CHD9: variants seen among roughly 807,000 people sequenced by gnomAD.
The protein encoded by CHD9 is ATP-dependent chromatin remodeler CHD9.
A neutral mutation model predicts 316.1 loss-of-function variants in CHD9; 77 were observed. The observed-to-expected ratio is 0.24, with a 90% CI of 0.20 to 0.29. CHD9 has a LOEUF of 0.29. Ranked by LOEUF, CHD9 falls within the 10% of genes least tolerant of loss-of-function variation. The pLI, the probability that CHD9 is intolerant of heterozygous loss-of-function variation, is 1.00. For missense variants in CHD9, 2,763 were observed against 3,438.1 expected (o/e 0.80, Z 4.91); for synonymous variants, 1,129 against 1,158.3 (o/e 0.97, Z 0.51).
chr16:53,062,124 T>C (rs1467565126), intron 1 of CHD9, among the ~76,000 whole-genome samples: 1 of 152,226 alleles, frequency 6.6e-6, no homozygotes, highest in Admixed American at 6.5e-5. Context: ...CTCTTGCTTC[T>C]GACTGCAGCC....
At chr16:53,314,561 C>A in intron 35 of CHD9, 45 bp downstream of exon 35, 1 of 1,436,728 alleles carries the variant, frequency 7.0e-7, no homozygotes, top group Non-Finnish European at 9.4e-7. Context: ...ATTCAAAATT[C>A]AATCCTAATA....
chr16:53,183,936 C>G lies in CHD9; in HGVS notation c.1453-25546C>G, dbSNP rs940495448. 2.0e-5 allele frequency among the ~76,000 whole-genome samples: 3 copies of G among 151,826 alleles called. No individual in the cohort carries two copies. In the South Asian group the frequency reaches 6.2e-4, roughly 32 times the overall value. ...AAGATTGTTTTTCACAGGTACCTGG[C>G]TAATTTTTTTTTTTTTCTTTTTTTT... On this transcript the variant is annotated intron_variant, in intron 2 of 38. Transcript: ENST00000447540.
intron 1 of CHD9, among the ~76,000 whole-genome samples, chr16:53,142,079 T>C (rs539705552): frequency 6.6e-6 from 1 of 152,314 alleles, no homozygotes; most frequent in East Asian, 1.9e-4. Flanking sequence ...TATCATAAAA[T>C]ATGATATTGT....
intron 1 of CHD9, among the ~76,000 whole-genome samples, chr16:53,144,519 C>A (rs1335537680): frequency 6.6e-6 from 1 of 151,808 alleles, no homozygotes; most frequent in African/African-American, 2.4e-5. Context: ...CATAGTGAGA[C>A]CCTGTCTACA....
At chr16:53,195,279 G>A (rs2044804334) in intron 2 of CHD9, among the ~76,000 whole-genome samples, 1 of 152,120 alleles carries the variant, frequency 6.6e-6, no homozygotes, top group Admixed American at 6.5e-5. Context: ...AACCTCATAG[G>A]TTAGTTTTGC....
chr16:53,191,314 A>G (rs2152827853), intron 2 of CHD9, among the ~76,000 whole-genome samples: 1 of 152,182 alleles, frequency 6.6e-6, no homozygotes, highest in Admixed American at 6.5e-5. Context: ...TATAATTTAC[A>G]CACAGTCAAA....
intron 2 of CHD9, among the ~76,000 whole-genome samples, chr16:53,194,928 A>G (rs1269543121): frequency 6.6e-6 from 1 of 152,216 alleles, no homozygotes; most frequent in Non-Finnish European, 1.5e-5. Flanking sequence ...ATTTGTTTTT[A>G]GTGTCAAGAC....
chr16:53,183,836 G>T (rs566532151), intron 2 of CHD9, among the ~76,000 whole-genome samples: 4 of 152,222 alleles, frequency 2.6e-5, no homozygotes, highest in Non-Finnish European at 5.9e-5. Context: ...ATGTAACCTT[G>T]GGCATGTTTG....
chr16:53,222,729 C>T lies in CHD9; in HGVS notation c.1870C>T (p.His624Tyr), dbSNP rs1161449700. 6.4e-7 allele frequency: 1 copy of T among 1,559,540 alleles called. No homozygotes were observed. Among genetic ancestry groups the T allele is most frequent in the South Asian group, 1.2e-5 (1 of 84,398 alleles). ...ATCTGATGCAGAACAGATGCCACAGCATACATTAAAAGATCAAGACTCTCA... is the reference window on the plus strand; with the variant it reads ...ATCTGATGCAGAACAGATGCCACAGTATACATTAAAAGATCAAGACTCTCA... The part of the protein sequence containing the change: ...EISDAEQMPQ[H>Y]TLKDQDSQKR... The change falls in exon 4 of 39, where the codon CAT becomes TAT. Residue 624 changes from histidine (H) to tyrosine (Y), a missense_variant. Physicochemically the swap from His to Tyr is moderately conservative, Grantham distance 83. Around this residue, in one of 15 missense-constraint regions of CHD9, gnomAD observed 859 missense variants for 890.4 expected, o/e 0.96. Coordinates refer to ENST00000447540, the MANE Select transcript of CHD9 (RefSeq NM_001308319.2).
intron 1 of CHD9, among the ~76,000 whole-genome samples, chr16:53,081,017 G>A (rs2034971507): frequency 6.6e-6 from 1 of 152,180 alleles, no homozygotes; most frequent in African/African-American, 2.4e-5. Flanking sequence ...AAGTGGGTCT[G>A]GTGTCTTATT....
chr16:53,189,466 T>G (rs775912288), intron 2 of CHD9, among the ~76,000 whole-genome samples: 1 of 152,012 alleles, frequency 6.6e-6, no homozygotes, highest in Non-Finnish European at 1.5e-5. Context: ...TCTGTTGATA[T>G]GATTTTCAGA....
intron 1 of CHD9, among the ~76,000 whole-genome samples, chr16:53,151,884 C>G (rs904393271): frequency 1.3e-5 from 2 of 152,050 alleles, no homozygotes; most frequent in Admixed American, 6.5e-5. Context: ...ACCATCAAAT[C>G]TAATGGACTT....
chr16:53,247,439 G>C lies in CHD9; in HGVS notation c.3601G>C (p.Val1201Leu). 6.2e-7 allele frequency: 1 copy of C among 1,608,784 alleles called. No individual in the cohort carries two copies. The highest frequency in any genetic ancestry group is 2.2e-5 in the East Asian group (1 of 44,792). The change falls in exon 16 of 39, where the codon GTG becomes CTG. Residue 1201 changes from valine (V) to leucine (L), a missense_variant. Around this residue, in one of 15 missense-constraint regions of CHD9, gnomAD observed 155 missense variants for 291.8 expected, o/e 0.53. Coordinates refer to ENST00000447540, the MANE Select transcript of CHD9 (RefSeq NM_001308319.2). ...LPKMKAGGHK[V>L]LIFSQMVRCL... ...CAAAATGAAAGCCGGAGGTCATAAA[G>C]TGCTCATCTTCTCTCAAATGGTTCG...
In CHD9 at chr16:53,156,749, T is replaced by C; in HGVS notation, c.660T>C (p.Ser220=). The C allele has an allele frequency of 6.2e-7, 1 of 1,613,756 alleles. No homozygotes were observed. The highest frequency in any genetic ancestry group is 8.5e-7 in the Non-Finnish European group (1 of 1,179,714). The change falls in exon 2 of 39, where the codon TCT becomes TCC. Residue 220 remains serine, a synonymous_variant. Coordinates refer to ENST00000447540, the MANE Select transcript of CHD9 (RefSeq NM_001308319.2). ...ACCCACCACAGATGACTAATGCATCTAATTCACAACAGTCTATTTCAATGC... is the reference window on the plus strand; with the variant it reads ...ACCCACCACAGATGACTAATGCATCCAATTCACAACAGTCTATTTCAATGC... ...VNHPPQMTNA[S]NSQQSISMQQ... is the part of the protein sequence containing the mutation.
intron 19 of CHD9, among the ~76,000 whole-genome samples, chr16:53,256,213 C>G (rs2050574852): frequency 6.6e-6 from 1 of 151,862 alleles, no homozygotes; most frequent in South Asian, 2.1e-4. Context: ...TCTGTAATCC[C>G]AGCACTTTGG....
At chr16:53,152,880 A>G (rs73599571) in intron 1 of CHD9, among the ~76,000 whole-genome samples, 4,940 of 152,300 alleles carry the variant, frequency 0.032, 98 homozygotes, top group Middle Eastern at 0.072. Flanking sequence ...GATAGAAAAG[A>G]GAAGAGGTTG....
chr16:53,303,547 T>G (rs1052324404), intron 30 of CHD9, among the ~76,000 whole-genome samples, 173 bp from the exon 31 acceptor site: 1 of 152,204 alleles, frequency 6.6e-6, no homozygotes, highest in South Asian at 2.1e-4. Context: ...TTCAAAATCC[T>G]CACTGAATTT....
At chr16:53,119,404 T>G (rs2038569193) in intron 1 of CHD9, among the ~76,000 whole-genome samples, 1 of 152,152 alleles carries the variant, frequency 6.6e-6, no homozygotes, top group South Asian at 2.1e-4. Context: ...TTGTGATAAT[T>G]GTTATTTATT....
In CHD9 at chr16:53,310,449, A is replaced by G. The variant is rs189194477; in HGVS notation, c.7222+1595A>G. Among the ~76,000 whole-genome samples the G allele has an allele frequency of 6.7e-4, 102 of 152,144 alleles. 1 individual carries two copies. The highest frequency in any genetic ancestry group is 2.2e-3 in the African/African-American group (93 of 41,434). ...GTTTAAAACTCCACTGTAAAGTGAG[A>G]TTGATACTTCTATTGCCTGAACATT... is the stretch of plus-strand genomic sequence containing the variant. On this transcript the variant is annotated intron_variant, in intron 34 of 38. Transcript: ENST00000447540.
Sources: allele counts gnomAD v4.1 joint callset (sites outside exome capture counted in the v4.1 genomes callset), GRCh38; gene constraint gnomAD v4.1.1; regional missense constraint gnomAD v4.1.1; transcripts MANE v1.5; gene names NCBI Gene and HGNC (gene_info 2026-07-23, HGNC 2026-07-21).